HEATR6: variants seen among roughly 807,000 people sequenced by gnomAD.
HEATR6 encodes the protein HEAT repeat-containing protein 6.
HEATR6 carries 106 observed loss-of-function variants against 132.8 expected under a neutral mutation model. The ratio of observed to expected loss-of-function variants is 0.80; its 90% CI spans 0.68 to 0.94. HEATR6 has a LOEUF of 0.94. HEATR6 is among the 40% of genes least tolerant of loss of function. The probability of loss-of-function intolerance (pLI) is 0.00; values close to 1 mark genes in which losing one functional copy is unlikely to be tolerated. For synonymous variants in HEATR6, 529 were observed against 537.8 expected (o/e 0.98, Z 0.23); for missense variants, 1,339 against 1,425.1 (o/e 0.94, Z 0.97).
Position 60,042,983 on chromosome 17 carries a change from G to A in HEATR6, c.*580C>T, listed in dbSNP as rs929466223. On this transcript the variant is annotated 3_prime_UTR_variant, in exon 20 of 20. Coordinates refer to ENST00000184956, the MANE Select transcript of HEATR6 (RefSeq NM_022070.5). ...GCTGTGAGGCACTGTCAGCATCCTC[G>A]CGTCCTGTGTGGCTGTGAGGCACCG... 10 of 128,798 alleles carry A rather than the reference G, an allele frequency of 7.8e-5. 2 individuals are homozygous for A. The highest frequency in any genetic ancestry group is 3.8e-4 in the African/African-American group (8 of 20,902). The allele number at this position is 128,798 out of a possible 1,614,324, so 8.0% of individuals were successfully genotyped here.
intron 17 of HEATR6, among the ~76,000 whole-genome samples, chr17:60,047,978 G>A (rs1196956061): frequency 6.6e-6 from 1 of 152,068 alleles, no homozygotes; most frequent in Non-Finnish European, 1.5e-5. Context: ...TAAAAGTACA[G>A]TAACCATTAC....
chr17:60,047,616 G>A (rs923741859), intron 17 of HEATR6, among the ~76,000 whole-genome samples: 5 of 151,066 alleles, frequency 3.3e-5, no homozygotes, highest in Non-Finnish European at 7.4e-5. Context: ...ATCTCAAAAT[G>A]CAGATTTCAT....
intron 9 of HEATR6, chr17:60,063,244 T>C (rs2083221616): frequency 6.6e-6 from 1 of 152,212 alleles, no homozygotes; most frequent in Non-Finnish European, 1.5e-5. Flanking sequence ...TTGTTTTCAC[T>C]TTTTATAGTT....
chr17:60,061,810 A>G (rs2145192454), intron 9 of HEATR6, among the ~76,000 whole-genome samples: 1 of 152,396 alleles, frequency 6.6e-6, no homozygotes, highest in Non-Finnish European at 1.5e-5. Context: ...AATCCCTACT[A>G]GAGGCTCGTC....
At chr17:60,049,015 T>C (rs1181588732) in intron 16 of HEATR6, among the ~76,000 whole-genome samples, 6 of 139,192 alleles carry the variant, frequency 4.3e-5, no homozygotes, top group African/African-American at 1.6e-4. Context: ...TATATATATA[T>C]ATATGGTAAT....
intron 8 of HEATR6, 59 bp from the exon 9 acceptor site, chr17:60,066,445 T>C: frequency 7.2e-6 from 9 of 1,245,006 alleles, no homozygotes; most frequent in Non-Finnish European, 8.9e-6. Flanking sequence ...TTAAAAAAAA[T>C]GCAAACATGA....
intron 1 of HEATR6, among the ~76,000 whole-genome samples, chr17:60,077,630 C>T (rs1437549811): frequency 1.3e-5 from 2 of 152,322 alleles, no homozygotes; most frequent in African/African-American, 4.8e-5. Flanking sequence ...CTGCAACTTG[C>T]TTCAACCATT....
At chr17:60,070,058 C>G (rs1343683974) in intron 6 of HEATR6, among the ~76,000 whole-genome samples, 2 of 152,148 alleles carry the variant, frequency 1.3e-5, no homozygotes, top group Non-Finnish European at 2.9e-5. Flanking sequence ...GTTTATCTGG[C>G]CTCCAGCTGG....
rs113999850 is a variant in HEATR6, at chr17:60,066,253, A to G, written c.1372T>C (p.Ser458Pro). 2.0e-5 allele frequency: 32 copies of G among 1,614,108 alleles called. No homozygotes were observed. In the African/African-American group the frequency reaches 4.0e-4, roughly 20 times the overall value. The change falls in exon 9 of 20, where the codon TCA (serine) becomes CCA (proline). Residue 458 changes from serine to proline, a missense_variant. By Grantham distance (74) the Ser-to-Pro change is moderately conservative (BLOSUM62 -1). Transcript: ENST00000184956. ...PDTPELGSPQ[S>P]VSLMTLTLKD... Reference sequence around the variant, plus strand: ...AATGTAAGAGTCATCAAGGACACTGACTGTGGGCTGCCAAGTTCAGGCGTA... The same window carrying G: ...AATGTAAGAGTCATCAAGGACACTGGCTGTGGGCTGCCAAGTTCAGGCGTA...
chr17:60,057,431 C>G lies in HEATR6; in HGVS notation c.1724-28G>C, dbSNP rs373428774. On this transcript the variant is annotated intron_variant, in intron 11 of 19. Transcript: ENST00000184956. ...GTCAAAGGAAGCAGTAAGAACTTAT[C>G]ATCATGGCAACAACTACTGTAAAGA... The G allele has an allele frequency of 7.7e-6, 11 of 1,426,028 alleles. No homozygotes were observed. In the African/African-American group the frequency reaches 1.6e-4, roughly 20 times the overall value. 88.3% of individuals were successfully genotyped at this position (1,426,028 alleles called of 1,614,324 possible).
intron 15 of HEATR6, among the ~76,000 whole-genome samples, chr17:60,050,002 A>T (rs955851609): frequency 1.3e-5 from 2 of 152,144 alleles, no homozygotes; most frequent in African/African-American, 2.4e-5. Context: ...AGGACCAAAG[A>T]AAAAAAGCAG....
chr17:60,068,073 C>A (rs2083252095), intron 7 of HEATR6, among the ~76,000 whole-genome samples: 1 of 152,188 alleles, frequency 6.6e-6, no homozygotes, highest in Admixed American at 6.5e-5. Flanking sequence ...CTAATACCTC[C>A]TACCTTGCAC....
Position 60,042,006 on chromosome 17 carries a change from A to T in HEATR6, c.*1557T>A, listed in dbSNP as rs1221800817. 6.6e-6 allele frequency among the ~76,000 whole-genome samples: 1 copy of T among 152,200 alleles called. No individual in the cohort carries two copies. The highest frequency in any genetic ancestry group is 1.5e-5 in the Non-Finnish European group (1 of 68,042). ...CAGTAGAAAAATGCAAAATTTAAAT[A>T]TATATATTCAGTAGAAGTTACCTTC... On this transcript the variant is annotated 3_prime_UTR_variant, in exon 20 of 20. Coordinates refer to ENST00000184956, the MANE Select transcript of HEATR6 (RefSeq NM_022070.5).
chr17:60,060,121 T>C (rs765606330), intron 9 of HEATR6, 25 bp from the exon 10 acceptor site: 1 of 1,534,112 alleles, frequency 6.5e-7, no homozygotes, highest in Non-Finnish European at 9.0e-7. Flanking sequence ...TGATTCACAT[T>C]GATTAGTTGA....
Position 60,042,223 on chromosome 17 carries a change from C to T in HEATR6, c.*1340G>A, listed in dbSNP as rs1415199022. Among the ~76,000 whole-genome samples, 2 of 152,212 alleles carry T rather than the reference C, an allele frequency of 1.3e-5. No individual in the cohort carries two copies. The highest frequency in any genetic ancestry group is 4.8e-5 in the African/African-American group (2 of 41,452). On this transcript the variant is annotated 3_prime_UTR_variant, in exon 20 of 20. Transcript: ENST00000184956. ...CAATGTTGTAGCCTAGGTTAGAAGG[C>T]CCTGCTTGCTGGGAGTTAACTCTGG...
rs139122829 is a variant in HEATR6, at chr17:60,076,553, A to T, written c.220-316T>A. The T allele has an allele frequency of 3.5e-4, 77 of 220,066 alleles. No individual in the cohort carries two copies. In the East Asian group the frequency reaches 5.4e-3, roughly 15 times the overall value. 13.6% of individuals were successfully genotyped at this position (220,066 alleles called of 1,614,324 possible). On this transcript the variant is annotated intron_variant, in intron 1 of 19. Coordinates refer to ENST00000184956, the MANE Select transcript of HEATR6 (RefSeq NM_022070.5). ...CCATCTCTACAGAAAAAACTTTTTT[A>T]AAAAAATTAGCTGGATATGGTGGTA...
In HEATR6 at chr17:60,043,981, C is replaced by T. The variant is rs749652609; in HGVS notation, c.3128G>A (p.Trp1043Ter). Reference sequence around the variant, plus strand: ...CTGTAAAGCGGTGACCAATGCATTCCAGATCCGAGCATACTGGTCAACAGA... The same window carrying T: ...CTGTAAAGCGGTGACCAATGCATTCTAGATCCGAGCATACTGGTCAACAGA... ...YGSVDQYARI[W>*]NALVTALQKS... The change falls in exon 20 of 20, where the codon TGG becomes TAG. Residue 1043 changes from tryptophan (W) to a stop codon, truncating the protein, a stop_gained. Coordinates refer to ENST00000184956, the MANE Select transcript of HEATR6 (RefSeq NM_022070.5). LOFTEE classifies it high-confidence loss of function. 1 of 1,614,090 alleles carries T rather than the reference C, an allele frequency of 6.2e-7. No individual in the cohort carries two copies. The highest frequency in any genetic ancestry group is 2.2e-5 in the East Asian group (1 of 44,882).
At chr17:60,064,785 C>T (rs1403081257) in intron 9 of HEATR6, 2 of 152,202 alleles carry the variant, frequency 1.3e-5, no homozygotes, top group African/African-American at 2.4e-5. Flanking sequence ...TTTCTCATGG[C>T]ACTTTAAGTG....
rs1906351680 is a variant in HEATR6 at position 60,045,992 on chromosome 17, T to A, written c.2974+33A>T. On this transcript the variant is annotated intron_variant, in intron 19 of 19. Coordinates refer to ENST00000184956, the MANE Select transcript of HEATR6 (RefSeq NM_022070.5). Reference sequence around the variant, plus strand: ...TAGATTGGTGTGTGTCCCAAGAGGCTTTCCACCAGGGAGTGAAGGGAAACT... The same window carrying A: ...TAGATTGGTGTGTGTCCCAAGAGGCATTCCACCAGGGAGTGAAGGGAAACT... 7.4e-6 allele frequency: 11 copies of A among 1,487,110 alleles called. No homozygotes were observed. The South Asian group carries it at 1.2e-4, about 17-fold the overall frequency. The allele number at this position is 1,487,110 out of a possible 1,614,324, so 92.1% of individuals were successfully genotyped here.
Sources: allele counts gnomAD v4.1 joint callset (sites outside exome capture counted in the v4.1 genomes callset), GRCh38; gene constraint gnomAD v4.1.1; transcripts MANE v1.5; gene names NCBI Gene and HGNC (gene_info 2026-07-23, HGNC 2026-07-21).